The following GNAQ variants were observed in gnomAD, a reference collection of about 807,000 sequenced individuals.
The protein encoded by GNAQ is G protein subunit alpha q.
In GNAQ, 8 loss-of-function variants were observed where a neutral mutation model predicts 43.9. That is an observed-to-expected ratio of 0.18 (90% CI 0.11 to 0.33). The LOEUF is 0.33. Among genes scored for constraint, GNAQ ranks in the 10% least tolerant of loss-of-function variants. The probability of loss-of-function intolerance (pLI) is 1.00; values close to 1 mark genes in which losing one functional copy is unlikely to be tolerated. For synonymous variants in GNAQ, 155 were observed against 170.7 expected, an observed-to-expected ratio of 0.91 and a Z score of 0.71; for missense variants, 158 against 450.8, an observed-to-expected ratio of 0.35 and a Z score of 5.88.
chr9:77,938,087 G>C (rs1170447367), intron 1 of GNAQ, among the ~76,000 whole-genome samples: 1 of 151,964 alleles, frequency 6.6e-6, no homozygotes, highest in African/African-American at 2.4e-5. Flanking sequence ...TATAGCATCT[G>C]CATACAAACT....
At chr9:77,863,235 G>A (rs1235750622) in intron 2 of GNAQ, among the ~76,000 whole-genome samples, 1 of 151,876 alleles carries the variant, frequency 6.6e-6, no homozygotes, top group East Asian at 1.9e-4. Context: ...AGGAAGAAAG[G>A]AAGGAAGGAA....
intron 3 of GNAQ, among the ~76,000 whole-genome samples, chr9:77,811,496 C>A (rs1158862991): frequency 6.6e-6 from 1 of 152,078 alleles, no homozygotes; most frequent in African/African-American, 2.4e-5. Flanking sequence ...TATTTGTGAA[C>A]ATGATTTTTA....
At chr9:77,945,056 ACTTC>A (rs2118355480) in intron 1 of GNAQ, among the ~76,000 whole-genome samples, 1 of 152,294 alleles carries the variant, frequency 6.6e-6, no homozygotes, top group East Asian at 1.9e-4. Context: ...TCACAGTGCA[ACTTC>A]CTTATTTGTT....
In GNAQ at chr9:77,815,562, C is replaced by A. The variant is rs887185027; in HGVS notation, c.476+54G>T. On this transcript the variant is annotated intron_variant, in intron 3 of 6. Coordinates refer to ENST00000286548, the MANE Select transcript of GNAQ (RefSeq NM_002072.5). ...AAAGAAGTTATGATAATCATAAAACCTCCACATGGAAGTAAAGAGAAAAAT... is the reference window on the plus strand; with the variant it reads ...AAAGAAGTTATGATAATCATAAAACATCCACATGGAAGTAAAGAGAAAAAT... The A allele has an allele frequency of 8.8e-6, 10 of 1,139,644 alleles. No individual in the cohort carries two copies. In the African/African-American group the frequency reaches 1.2e-4, roughly 14 times the overall value. The allele number at this position is 1,139,644 out of a possible 1,614,324, so 70.6% of individuals were successfully genotyped here.
At chr9:77,858,822 C>T (rs553146526) in intron 2 of GNAQ, among the ~76,000 whole-genome samples, 1 of 152,212 alleles carries the variant, frequency 6.6e-6, no homozygotes, top group South Asian at 2.1e-4. Flanking sequence ...CTGTACACAA[C>T]TAACAGCCAA....
intron 2 of GNAQ, among the ~76,000 whole-genome samples, chr9:77,856,980 ACT>A (rs1827765335): frequency 1.3e-5 from 2 of 152,114 alleles, no homozygotes; most frequent in Non-Finnish European, 1.5e-5. Context: ...ATCTGGACCC[ACT>A]CTCTTCCAAA....
intron 2 of GNAQ, among the ~76,000 whole-genome samples, chr9:77,861,559 G>A (rs1263138967): frequency 6.6e-6 from 1 of 152,088 alleles, no homozygotes; most frequent in East Asian, 1.9e-4. Context: ...ACAGGCATTG[G>A]GTAAACACAG....
chr9:77,721,913 C>T (rs2118192886), intron 6 of GNAQ, among the ~76,000 whole-genome samples: 1 of 152,216 alleles, frequency 6.6e-6, no homozygotes, highest in East Asian at 1.9e-4. Flanking sequence ...ACAGCTGCCT[C>T]GGGCTCTCCT....
At chr9:77,988,538 A>C (rs1345593750) in intron 1 of GNAQ, among the ~76,000 whole-genome samples, 1 of 152,230 alleles carries the variant, frequency 6.6e-6, no homozygotes, top group East Asian at 1.9e-4. Flanking sequence ...GGGGACAGAC[A>C]GATCTGATTC....
chr9:77,990,303 C>T (rs1453880557), intron 1 of GNAQ, among the ~76,000 whole-genome samples: 2 of 152,156 alleles, frequency 1.3e-5, no homozygotes, highest in Non-Finnish European at 2.9e-5. Flanking sequence ...ATAATAGCAA[C>T]CTTGAACTCC....
intron 2 of GNAQ, among the ~76,000 whole-genome samples, chr9:77,877,616 C>G (rs1033991817): frequency 6.6e-6 from 1 of 152,116 alleles, no homozygotes; most frequent in Non-Finnish European, 1.5e-5. Flanking sequence ...TTACCGTAAC[C>G]TACTTTAATT....
At chr9:77,909,890 T>C (rs1426011071) in intron 2 of GNAQ, among the ~76,000 whole-genome samples, 2 of 152,214 alleles carry the variant, frequency 1.3e-5, no homozygotes, top group East Asian at 3.9e-4. Context: ...AGGAAAAGTA[T>C]CATAATATAA....
At chr9:77,728,271 G>A (rs1825431055) in intron 6 of GNAQ, among the ~76,000 whole-genome samples, 1 of 152,212 alleles carries the variant, frequency 6.6e-6, no homozygotes, top group Non-Finnish European at 1.5e-5. Context: ...GGGATTACAG[G>A]CGCTCGCCAC....
chr9:77,816,735 A>C (rs572647485), intron 2 of GNAQ, among the ~76,000 whole-genome samples: 3 of 152,224 alleles, frequency 2.0e-5, no homozygotes, highest in Non-Finnish European at 4.4e-5. Context: ...TTTTGTATAG[A>C]AATACAAACT....
chr9:77,950,905 A>G (rs1304687926), intron 1 of GNAQ, among the ~76,000 whole-genome samples: 1 of 152,116 alleles, frequency 6.6e-6, no homozygotes, highest in African/African-American at 2.4e-5. Context: ...TAAAAATACT[A>G]TATTGTCATT....
In GNAQ at chr9:77,997,715, C is replaced by G. The variant is rs567834468; in HGVS notation, c.136+33385G>C. 1.2e-3 allele frequency among the ~76,000 whole-genome samples: 180 copies of G among 152,272 alleles called. 2 individuals carry two copies. The highest frequency in any genetic ancestry group is 4.1e-3 in the African/African-American group (171 of 41,560). On this transcript the variant is annotated intron_variant, in intron 1 of 6. Transcript: ENST00000286548. Reference sequence around the variant, plus strand: ...TCTGCAGCTCAAGGCTGGAATTGGCCTAGATCCTCCCTGGAGGCCCAGATT... The same window carrying G: ...TCTGCAGCTCAAGGCTGGAATTGGCGTAGATCCTCCCTGGAGGCCCAGATT...
intron 1 of GNAQ, among the ~76,000 whole-genome samples, chr9:77,946,477 T>A (rs538166347): frequency 3.9e-5 from 6 of 152,128 alleles, no homozygotes; most frequent in African/African-American, 1.4e-4. Context: ...CAAAGGAAAC[T>A]CCATCAAAAG....
intron 1 of GNAQ, among the ~76,000 whole-genome samples, chr9:77,978,881 C>T (rs565702585): frequency 6.6e-6 from 1 of 152,152 alleles, no homozygotes; most frequent in East Asian, 1.9e-4. Context: ...CATGGTAAAA[C>T]CATGTCTCTA....
At chr9:77,887,451 C>A (rs997934238) in intron 2 of GNAQ, among the ~76,000 whole-genome samples, 5 of 152,168 alleles carry the variant, frequency 3.3e-5, no homozygotes, top group East Asian at 1.9e-4. Context: ...CAAGCCCCAG[C>A]CTATTAGGCT....
Sources: allele counts gnomAD v4.1 joint callset (sites outside exome capture counted in the v4.1 genomes callset), GRCh38; gene constraint gnomAD v4.1.1; transcripts MANE v1.5; gene names NCBI Gene and HGNC (gene_info 2026-07-23, HGNC 2026-07-21).